PHF14: variants seen among roughly 807,000 people sequenced by gnomAD.
PHF14 encodes the protein PHD finger protein 14.
PHF14 carries 55 observed loss-of-function variants against 117.9 expected under a neutral mutation model. The observed-to-expected ratio is 0.47, with a 90% CI of 0.38 to 0.58. The LOEUF is 0.58. Ranked by LOEUF, PHF14 falls within the 20% of genes least tolerant of loss-of-function variation. PHF14 has a pLI of 0.00. For synonymous variants in PHF14, 409 were observed against 368.6 expected, an observed-to-expected ratio of 1.11 and a Z score of -1.26; for missense variants, 978 against 1,122.2, an observed-to-expected ratio of 0.87 and a Z score of 1.84.
At chr7:11,102,822 T>C in intron 16 of PHF14, 10 of 1,265,886 alleles carry the variant, frequency 7.9e-6, no homozygotes, top group Non-Finnish European at 9.0e-6. Context: ...AAATACTGGA[T>C]ACATGTCTTG....
chr7:11,127,488 G>C (rs1402694222), intron 17 of PHF14, among the ~76,000 whole-genome samples: 1 of 152,048 alleles, frequency 6.6e-6, no homozygotes, highest in Non-Finnish European at 1.5e-5. Context: ...GCCTTAACAA[G>C]CTCAGAAAGA....
At chr7:11,053,701 CA>C (rs1784921924) in intron 14 of PHF14, among the ~76,000 whole-genome samples, 1 of 152,010 alleles carries the variant, frequency 6.6e-6, no homozygotes, top group African/African-American at 2.4e-5. Flanking sequence ...ATGTATATTA[CA>C]GTGAAATTTT....
At chr7:11,137,129 CT>C (rs769913708) in intron 17 of PHF14, among the ~76,000 whole-genome samples, 1 of 152,184 alleles carries the variant, frequency 6.6e-6, no homozygotes, top group Non-Finnish European at 1.5e-5. Flanking sequence ...AAGATTTAAT[CT>C]CTCAGGTTTT....
At chr7:11,073,579 C>T (rs1488200762) in intron 16 of PHF14, among the ~76,000 whole-genome samples, 2 of 152,332 alleles carry the variant, frequency 1.3e-5, no homozygotes, top group African/African-American at 2.4e-5. Flanking sequence ...GCTCAGGGTG[C>T]AAGCTGCTGG....
At chr7:10,989,836 G>T (rs531302240) in intron 3 of PHF14, among the ~76,000 whole-genome samples, 1 of 152,176 alleles carries the variant, frequency 6.6e-6, no homozygotes, top group South Asian at 2.1e-4. Flanking sequence ...TCACTGTGTT[G>T]CCCAGGCTGG....
chr7:11,000,840 C>T (rs886616191), intron 4 of PHF14, among the ~76,000 whole-genome samples: 6 of 152,114 alleles, frequency 3.9e-5, no homozygotes, highest in African/African-American at 1.4e-4. Context: ...AGGTATCTCT[C>T]ACAGAGCAGA....
intron 3 of PHF14, among the ~76,000 whole-genome samples, chr7:10,987,207 A>G (rs1782254404): frequency 6.6e-6 from 1 of 152,200 alleles, no homozygotes; most frequent in Non-Finnish European, 1.5e-5. Context: ...AACATTTATA[A>G]ATATCGAGAT....
chr7:11,109,698 TTTA>T (rs1787378806), intron 16 of PHF14: 1 of 151,874 alleles, frequency 6.6e-6, no homozygotes, highest in Non-Finnish European at 1.5e-5. Context: ...GCTTATATTA[TTTA>T]TTATTCTTTC....
chr7:11,071,570 T>G (rs1314178306), intron 16 of PHF14, among the ~76,000 whole-genome samples: 1 of 152,234 alleles, frequency 6.6e-6, no homozygotes, highest in Non-Finnish European at 1.5e-5. Flanking sequence ...AGTATAGAGC[T>G]TAATGATTTT....
Position 11,036,587 on chromosome 7 carries a change from A to G in PHF14, c.1772A>G (p.Asp591Gly). 6.2e-7 allele frequency: 1 copy of G among 1,613,898 alleles called. No individual in the cohort carries two copies. The highest frequency in any genetic ancestry group is 8.5e-7 in the Non-Finnish European group (1 of 1,179,810). ...RKAELMGIST[D>G]IFPVDNSDTS... ...GCAGAACTCATGGGGATCAGTACAG[A>G]TATCTTTCCAGTGGACAATTCAGAT... Residue 591 changes from aspartate to glycine, a missense_variant, in exon 9 of 18, where the codon GAT (aspartate) becomes GGT (glycine). Physicochemically the swap from Asp to Gly is moderately conservative, Grantham distance 94. Coordinates refer to ENST00000634607, the MANE Select transcript of PHF14 (RefSeq NM_001007157.2).
intron 4 of PHF14, among the ~76,000 whole-genome samples, chr7:11,008,644 G>A (rs1425977080): frequency 6.6e-6 from 1 of 152,178 alleles, no homozygotes; most frequent in African/African-American, 2.4e-5. Flanking sequence ...AGCCCCTGGT[G>A]CCAAAAAGGT....
intron 4 of PHF14, among the ~76,000 whole-genome samples, chr7:11,013,307 G>A (rs1327647421): frequency 3.3e-5 from 5 of 151,912 alleles, no homozygotes; most frequent in Admixed American, 1.3e-4. Flanking sequence ...GATTCTGGGC[G>A]CCTGCCACCA....
At chr7:10,994,123 T>C (rs1782550901) in intron 4 of PHF14, among the ~76,000 whole-genome samples, 1 of 151,884 alleles carries the variant, frequency 6.6e-6, no homozygotes, top group East Asian at 1.9e-4. Context: ...GAACGAGCAC[T>C]GCAAGTGGAG....
chr7:11,157,359 TCAATA>T (rs1788894009), intron 17 of PHF14, among the ~76,000 whole-genome samples: 1 of 150,672 alleles, frequency 6.6e-6, no homozygotes, highest in African/African-American at 2.5e-5. Flanking sequence ...CATTATTTGA[TCAATA>T]CAATAAAGTC....
At chr7:11,059,394 A>G (rs1270525527) in intron 14 of PHF14, among the ~76,000 whole-genome samples, 2 of 152,250 alleles carry the variant, frequency 1.3e-5, no homozygotes, top group African/African-American at 4.8e-5. Context: ...AGTCTTTTGC[A>G]CATTCTGTTT....
At chr7:11,148,008 C>G (rs1788596515) in intron 17 of PHF14, among the ~76,000 whole-genome samples, 1 of 152,138 alleles carries the variant, frequency 6.6e-6, no homozygotes, top group African/African-American at 2.4e-5. Context: ...TCATTTTTGA[C>G]AACCAGCAGC....
chr7:10,983,472 G>A (rs572441843), intron 3 of PHF14, among the ~76,000 whole-genome samples: 1 of 152,188 alleles, frequency 6.6e-6, no homozygotes, highest in East Asian at 1.9e-4. Context: ...TTACTCCTTT[G>A]TTCACAGGAC....
chr7:11,003,799 C>G (rs923943866), intron 4 of PHF14, among the ~76,000 whole-genome samples: 7 of 152,180 alleles, frequency 4.6e-5, no homozygotes, highest in African/African-American at 1.7e-4. Context: ...TGCTGTCTGT[C>G]TCAACTCTAC....
At chr7:11,036,852 T>A (rs1224979857) in intron 9 of PHF14, 133 bp from the exon 10 acceptor site, 1 of 928,914 alleles carries the variant, frequency 1.1e-6, no homozygotes, top group African/African-American at 1.7e-5. Context: ...AATGCTAGGT[T>A]CATTTATTTG....
Sources: allele counts gnomAD v4.1 joint callset (sites outside exome capture counted in the v4.1 genomes callset), GRCh38; gene constraint gnomAD v4.1.1; transcripts MANE v1.5; gene names NCBI Gene and HGNC (gene_info 2026-07-23, HGNC 2026-07-21).